The following PINX1 variants were observed in gnomAD, a reference collection of about 807,000 sequenced individuals.
The protein encoded by PINX1 is PIN2 (TERF1) interacting telomerase inhibitor 1.
A neutral mutation model predicts 25.4 loss-of-function variants in PINX1; 34 were observed. The ratio of observed to expected loss-of-function variants is 1.34; its 90% CI spans 1.02 to 1.78. The LOEUF is 1.78. Ranked by LOEUF, PINX1 falls within the 40% of genes most tolerant of loss-of-function variation. The pLI is 0.00. For missense variants in PINX1, 592 were observed against 404.9 expected, an observed-to-expected ratio of 1.46 and a Z score of -3.97; for synonymous variants, 197 against 147.7, an observed-to-expected ratio of 1.33 and a Z score of -2.42.
At chr8:10,807,979 T>C (rs192671560) in intron 6 of PINX1, among the ~76,000 whole-genome samples, 14 of 152,324 alleles carry the variant, frequency 9.2e-5, no homozygotes, top group Non-Finnish European at 1.9e-4. Flanking sequence ...GAAAGTTTTA[T>C]ATTAAGAGGC....
intron 6 of PINX1, among the ~76,000 whole-genome samples, chr8:10,775,217 G>C (rs1413858388): frequency 6.6e-6 from 1 of 152,050 alleles, no homozygotes; most frequent in African/African-American, 2.4e-5. Flanking sequence ...GAAAACTTAA[G>C]TGAAAAAGTA....
chr8:10,798,846 A>G (rs773140140), intron 6 of PINX1, among the ~76,000 whole-genome samples: 1 of 152,226 alleles, frequency 6.6e-6, no homozygotes, highest in Admixed American at 6.5e-5. Flanking sequence ...TGCATTTCTA[A>G]TAAGTCCACC....
At chr8:10,823,570 G>C (rs533818854) in intron 5 of PINX1, among the ~76,000 whole-genome samples, 1 of 151,866 alleles carries the variant, frequency 6.6e-6, no homozygotes, top group Non-Finnish European at 1.5e-5. Context: ...CTTTAAATAA[G>C]TATGATAAAA....
chr8:10,792,474 G>A (rs911825653), intron 6 of PINX1, among the ~76,000 whole-genome samples: 42 of 152,080 alleles, frequency 2.8e-4, no homozygotes, highest in Non-Finnish European at 5.1e-4. Context: ...GACGCTGTGC[G>A]CTCCCTGAAG....
At chr8:10,805,416 T>G (rs1222003964) in intron 6 of PINX1, among the ~76,000 whole-genome samples, 2 of 152,260 alleles carry the variant, frequency 1.3e-5, no homozygotes, top group Non-Finnish European at 2.9e-5. Flanking sequence ...ACTCGAAGAT[T>G]GATGCTTAAC....
At chr8:10,826,749 A>C (rs1798062521) in intron 4 of PINX1, among the ~76,000 whole-genome samples, 1 of 152,218 alleles carries the variant, frequency 6.6e-6, no homozygotes, top group Non-Finnish European at 1.5e-5. Context: ...GTCCATCTAC[A>C]AACATAACAT....
chr8:10,814,469 AC>A (rs1370041632), intron 6 of PINX1, among the ~76,000 whole-genome samples: 2 of 152,208 alleles, frequency 1.3e-5, no homozygotes, highest in Middle Eastern at 3.2e-3. Context: ...AAAAACAGCC[AC>A]AGCTGTGAAA....
At chr8:10,789,803 C>T (rs1024861247) in intron 6 of PINX1, among the ~76,000 whole-genome samples, 1 of 152,210 alleles carries the variant, frequency 6.6e-6, no homozygotes, top group African/African-American at 2.4e-5. Flanking sequence ...CACACCTCCA[C>T]GTGCCCAGCT....
chr8:10,807,650 C>T (rs1288064102), intron 6 of PINX1, among the ~76,000 whole-genome samples: 4 of 152,082 alleles, frequency 2.6e-5, no homozygotes, highest in Admixed American at 1.3e-4. Flanking sequence ...AGAACTGCAA[C>T]AATGGCTATC....
chr8:10,828,931 G>C (rs550443738), intron 4 of PINX1, among the ~76,000 whole-genome samples: 1 of 152,310 alleles, frequency 6.6e-6, no homozygotes, highest in South Asian at 2.1e-4. Context: ...CTGCCAAAGA[G>C]ATGTGTTTAA....
chr8:10,793,943 C>T (rs533994380), intron 6 of PINX1, among the ~76,000 whole-genome samples: 1 of 152,032 alleles, frequency 6.6e-6, no homozygotes, highest in African/African-American at 2.4e-5. Context: ...AAAGAGGCGA[C>T]AAAATAATTC....
rs754805002 is a variant in PINX1 at position 10,765,494 on chromosome 8, C to T, written c.894G>A (p.Gly298=). The change falls in exon 7 of 7, where the codon GGG becomes GGA. Residue 298 remains glycine (G), a synonymous_variant. Transcript: ENST00000314787. ...DFTLKPKKRR[G]KKKLQKPVEI... ...CTACTGGTTTTTGCAGCTTTTTCTTCCCTCTCCTCTTTTTGGGCTTCAGGG... is the reference window on the plus strand; with the variant it reads ...CTACTGGTTTTTGCAGCTTTTTCTTTCCTCTCCTCTTTTTGGGCTTCAGGG... 9 of 1,613,616 alleles carry T rather than the reference C, an allele frequency of 5.6e-6. No homozygotes were observed. Among genetic ancestry groups the T allele is most frequent in the Middle Eastern group, 1.6e-4 (1 of 6,062 alleles).
At chr8:10,787,013 G>A (rs1801771035) in intron 6 of PINX1, among the ~76,000 whole-genome samples, 1 of 152,082 alleles carries the variant, frequency 6.6e-6, no homozygotes, top group Admixed American at 6.6e-5. Context: ...GGAGGGGTAG[G>A]CAACAAGTAT....
At chr8:10,815,485 A>G (rs1797670001) in intron 6 of PINX1, among the ~76,000 whole-genome samples, 1 of 152,242 alleles carries the variant, frequency 6.6e-6, no homozygotes, top group Non-Finnish European at 1.5e-5. Flanking sequence ...GAAAATTTAC[A>G]TTTTAAGTAA....
Position 10,831,653 on chromosome 8 carries a change from T to G in PINX1, c.301+12A>C. ...ATTTGCATTGAGAACTTATGTCATC[T>G]GATTTCCCTACCTGTGGTTTCCTGC... On this transcript the variant is annotated intron_variant, in intron 4 of 6. Coordinates refer to ENST00000314787, the MANE Select transcript of PINX1 (RefSeq NM_017884.6). 3 of 1,561,134 alleles carry G rather than the reference T, an allele frequency of 1.9e-6. No individual in the cohort carries two copies. Among genetic ancestry groups the G allele is most frequent in the Non-Finnish European group, 2.6e-6 (3 of 1,136,804 alleles).
At chr8:10,822,279 G>A (rs1021253202) in intron 5 of PINX1, among the ~76,000 whole-genome samples, 1 of 152,162 alleles carries the variant, frequency 6.6e-6, no homozygotes, top group Non-Finnish European at 1.5e-5. Context: ...AATTATGGCC[G>A]CTTTTGAATA....
chr8:10,809,703 C>T (rs1281730563), intron 6 of PINX1, among the ~76,000 whole-genome samples: 1 of 152,216 alleles, frequency 6.6e-6, no homozygotes, highest in Admixed American at 6.5e-5. Context: ...ACAAGAAGCA[C>T]ATCTTCAACA....
At chr8:10,814,860 A>G (rs1586186401) in intron 6 of PINX1, among the ~76,000 whole-genome samples, 2 of 152,254 alleles carry the variant, frequency 1.3e-5, no homozygotes, top group Non-Finnish European at 2.9e-5. Context: ...GAGAACAAAA[A>G]TCCTCTCTAA....
chr8:10,837,427 C>T (rs1014228893), intron 1 of PINX1, among the ~76,000 whole-genome samples: 9 of 152,222 alleles, frequency 5.9e-5, no homozygotes, highest in African/African-American at 1.9e-4. Context: ...GCTCTACATC[C>T]TTTTGCTGTA....
Sources: allele counts gnomAD v4.1 joint callset (sites outside exome capture counted in the v4.1 genomes callset), GRCh38; gene constraint gnomAD v4.1.1; transcripts MANE v1.5; gene names NCBI Gene and HGNC (gene_info 2026-07-23, HGNC 2026-07-21).